The following FNDC3A variants were observed in gnomAD, a reference collection of about 807,000 sequenced individuals.
The protein encoded by FNDC3A is fibronectin type-III domain-containing protein 3A.
In FNDC3A, 32 loss-of-function variants were observed where a neutral mutation model predicts 148.9. That is an observed-to-expected ratio of 0.21 (90% CI 0.16 to 0.29). The LOEUF is 0.29. Among genes scored for constraint, FNDC3A ranks in the 10% least tolerant of loss-of-function variants. The pLI, the probability that FNDC3A is intolerant of heterozygous loss-of-function variation, is 1.00. For missense variants in FNDC3A, 1,191 were observed against 1,452.8 expected, an observed-to-expected ratio of 0.82 and a Z score of 2.93; for synonymous variants, 472 against 473.6, an observed-to-expected ratio of 1.00 and a Z score of 0.04.
At chr13:49,010,533 A>G (rs1322418294) in intron 2 of FNDC3A, among the ~76,000 whole-genome samples, 8 of 152,228 alleles carry the variant, frequency 5.3e-5, no homozygotes, top group Non-Finnish European at 1.0e-4. Context: ...ATGCCAACGG[A>G]CAAATAAAGA....
chr13:49,148,696 T>G (rs2137975631), intron 8 of FNDC3A, among the ~76,000 whole-genome samples: 1 of 152,354 alleles, frequency 6.6e-6, no homozygotes, highest in South Asian at 2.1e-4. Context: ...GGCTATTTTT[T>G]GGTTCCATAG....
chr13:49,181,043 T>G (rs1381869071), intron 14 of FNDC3A, among the ~76,000 whole-genome samples: 1 of 152,232 alleles, frequency 6.6e-6, no homozygotes, highest in Non-Finnish European at 1.5e-5. Flanking sequence ...ATCGTGTCAC[T>G]GCACTCCAGC....
intron 2 of FNDC3A, among the ~76,000 whole-genome samples, chr13:49,067,600 G>A (rs972143814): frequency 1.6e-4 from 25 of 152,078 alleles, no homozygotes; most frequent in Admixed American, 1.6e-3. Flanking sequence ...CAAGGTCATC[G>A]CCAAGGTCCG....
At chr13:49,121,249 G>C (rs1593618526) in intron 4 of FNDC3A, among the ~76,000 whole-genome samples, 1 of 152,072 alleles carries the variant, frequency 6.6e-6, no homozygotes, top group Non-Finnish European at 1.5e-5. Flanking sequence ...ATGAGTACTG[G>C]GTAAATAATG....
chr13:49,056,406 T>G (rs187513540), intron 2 of FNDC3A, among the ~76,000 whole-genome samples: 4 of 152,292 alleles, frequency 2.6e-5, no homozygotes, highest in African/African-American at 4.8e-5. Context: ...GTTTTTGGTG[T>G]TGTACTATAG....
chr13:49,142,031 C>A (rs1330319529), intron 7 of FNDC3A, among the ~76,000 whole-genome samples: 1 of 152,124 alleles, frequency 6.6e-6, no homozygotes, highest in East Asian at 1.9e-4. Flanking sequence ...CCTATTTTGC[C>A]TACTTTAGGT....
intron 1 of FNDC3A, chr13:48,988,049 CAAAG>C (rs755671202): frequency 6.6e-6 from 1 of 152,064 alleles, no homozygotes; most frequent in Non-Finnish European, 1.5e-5. Flanking sequence ...TAAAAAAAGA[CAAAG>C]AAGGGCATTA....
intron 1 of FNDC3A, 82 bp from the exon 2 acceptor site, chr13:49,006,070 A>G (rs1952215019): frequency 2.0e-6 from 1 of 501,366 alleles, no homozygotes; most frequent in Admixed American, 3.8e-5. Flanking sequence ...TTTAGGTTAA[A>G]GAATGAAACA....
chr13:49,142,716 GTACTAAT>G (rs1882759184), intron 7 of FNDC3A, among the ~76,000 whole-genome samples: 1 of 152,132 alleles, frequency 6.6e-6, no homozygotes, highest in Non-Finnish European at 1.5e-5. Context: ...ACTCATTCCT[GTACTAAT>G]TACCCACCTC....
intron 1 of FNDC3A, among the ~76,000 whole-genome samples, chr13:48,985,687 A>G (rs1951777224): frequency 6.6e-6 from 1 of 152,250 alleles, no homozygotes; most frequent in Admixed American, 6.5e-5. Context: ...AAAGCAGTGT[A>G]TGTGATTTCA....
intron 1 of FNDC3A, among the ~76,000 whole-genome samples, chr13:48,994,638 C>T (rs866962721): frequency 5.3e-5 from 8 of 151,936 alleles, no homozygotes; most frequent in African/African-American, 9.7e-5. Flanking sequence ...ATTAGCTGGG[C>T]GTGGTGGCGC....
intron 1 of FNDC3A, among the ~76,000 whole-genome samples, chr13:48,991,318 C>T (rs935036432): frequency 2.0e-5 from 3 of 151,634 alleles, no homozygotes; most frequent in African/African-American, 7.3e-5. Flanking sequence ...AGAATTCTTA[C>T]CAGAGATAAA....
intron 4 of FNDC3A, among the ~76,000 whole-genome samples, chr13:49,121,234 C>T (rs1437709422): frequency 2.6e-5 from 4 of 152,140 alleles, no homozygotes; most frequent in Admixed American, 1.3e-4. Context: ...ACAACCTGCT[C>T]CTGAATGAGT....
At chr13:48,992,188 C>T (rs559337920) in intron 1 of FNDC3A, among the ~76,000 whole-genome samples, 16 of 152,232 alleles carry the variant, frequency 1.1e-4, no homozygotes, top group African/African-American at 3.9e-4. Context: ...AATGTAAAGC[C>T]TAAAACTATG....
chr13:49,203,479 G>T (rs1176846792), intron 25 of FNDC3A, among the ~76,000 whole-genome samples, 195 bp downstream of exon 25: 2 of 152,130 alleles, frequency 1.3e-5, no homozygotes, highest in African/African-American at 2.4e-5. Context: ...TCATTTATCT[G>T]ATAAGTATTC....
intron 2 of FNDC3A, among the ~76,000 whole-genome samples, chr13:49,057,888 A>T (rs1384558648): frequency 6.6e-6 from 1 of 152,184 alleles, no homozygotes; most frequent in Non-Finnish European, 1.5e-5. Context: ...ATTTTAGTAG[A>T]GTAGTATTTT....
At chr13:49,133,268 T>C (rs1226395328) in intron 5 of FNDC3A, among the ~76,000 whole-genome samples, 1 of 152,214 alleles carries the variant, frequency 6.6e-6, no homozygotes, top group African/African-American at 2.4e-5. Context: ...CCTATTTTTG[T>C]TTACTGCTAA....
chr13:49,089,661 A>G (rs1879055515), intron 3 of FNDC3A, among the ~76,000 whole-genome samples: 1 of 152,194 alleles, frequency 6.6e-6, no homozygotes, highest in African/African-American at 2.4e-5. Flanking sequence ...CAGTCCTGCA[A>G]TCACAAAACT....
At chr13:49,045,620 A>G (rs769390804) in intron 2 of FNDC3A, 7 of 610,298 alleles carry the variant, frequency 1.1e-5, no homozygotes, top group Non-Finnish European at 1.9e-5. Context: ...AGGTGAGTCT[A>G]GTTCTGTTAA....
Sources: gnomAD v4.1 joint callset for allele counts (sites outside exome capture counted in the v4.1 genomes callset) on GRCh38, gnomAD v4.1.1 for gene constraint, MANE v1.5 for transcripts, NCBI Gene and HGNC (gene_info 2026-07-23, HGNC 2026-07-21) for gene names.